Variants in PLIN3 observed in about 807,000 individuals in gnomAD.
PLIN3 encodes the protein perilipin-3.
A neutral mutation model predicts 35.9 loss-of-function variants in PLIN3; 30 were observed. That is an observed-to-expected ratio of 0.84 (90% CI 0.62 to 1.13). PLIN3 has a LOEUF of 1.13. PLIN3 is among the 50% of genes most tolerant of loss of function. PLIN3 has a pLI of 0.00. For synonymous variants in PLIN3, 261 were observed against 262.5 expected, an observed-to-expected ratio of 0.99 and a Z score of 0.06; for missense variants, 603 against 596.9, an observed-to-expected ratio of 1.01 and a Z score of -0.11.
intron 1 of PLIN3, among the ~76,000 whole-genome samples, chr19:4,865,223 T>A (rs2030808827): frequency 6.6e-6 from 1 of 151,214 alleles, no homozygotes; most frequent in Non-Finnish European, 1.5e-5. Flanking sequence ...GCATGGTAGC[T>A]CACGCCTGTA....
At chr19:4,850,103 T>C (rs938912344) in intron 5 of PLIN3, among the ~76,000 whole-genome samples, 3 of 151,528 alleles carry the variant, frequency 2.0e-5, no homozygotes, top group Non-Finnish European at 4.4e-5. Context: ...TGCGCCACCA[T>C]GCCTGGCTAA....
intron 5 of PLIN3, among the ~76,000 whole-genome samples, chr19:4,850,656 G>C (rs769825601): frequency 1.3e-5 from 1 of 78,390 alleles, no homozygotes; most frequent in South Asian, 4.5e-4. Context: ...GGATGGTCTC[G>C]ATCTCCTGAA....
chr19:4,857,112 T>C (rs2030501443), intron 4 of PLIN3, among the ~76,000 whole-genome samples: 1 of 152,070 alleles, frequency 6.6e-6, no homozygotes, highest in South Asian at 2.1e-4. Flanking sequence ...TGTGGCTGTA[T>C]TTAGAGACAG....
intron 6 of PLIN3, among the ~76,000 whole-genome samples, chr19:4,846,285 C>T (rs2030093073): frequency 6.6e-6 from 1 of 150,814 alleles, no homozygotes; most frequent in Admixed American, 6.7e-5. Flanking sequence ...TCATCCACTC[C>T]AGCCTGGGCA....
At chr19:4,865,149 G>A (rs1056798438) in intron 1 of PLIN3, among the ~76,000 whole-genome samples, 6 of 151,194 alleles carry the variant, frequency 4.0e-5, no homozygotes, top group African/African-American at 1.2e-4. Flanking sequence ...CCAAGACTGC[G>A]CCACTACACT....
intron 1 of PLIN3, 73 bp from the exon 2 acceptor site, chr19:4,861,484 C>T (rs2030675328): frequency 1.9e-6 from 2 of 1,054,326 alleles, no homozygotes; most frequent in Admixed American, 1.8e-5. Context: ...GCCCACGCTG[C>T]AGCTGGAAGA....
intron 1 of PLIN3, among the ~76,000 whole-genome samples, chr19:4,866,335 C>T (rs2030857965): frequency 6.6e-6 from 1 of 152,040 alleles, no homozygotes; most frequent in Admixed American, 6.6e-5. Context: ...GGTTCTAATC[C>T]CAGCTTGGCA....
intron 5 of PLIN3, 148 bp downstream of exon 5, chr19:4,851,868 G>T: frequency 1.2e-6 from 1 of 807,980 alleles, no homozygotes; most frequent in Non-Finnish European, 1.9e-6. Context: ...AGAGGGGACT[G>T]CGTTAGTGAT....
At chr19:4,851,564 G>A (rs1471403973) in intron 5 of PLIN3, among the ~76,000 whole-genome samples, 1 of 152,114 alleles carries the variant, frequency 6.6e-6, no homozygotes, top group Non-Finnish European at 1.5e-5. Context: ...CTGGCCTGGC[G>A]GGAACACCAG....
intron 5 of PLIN3, 119 bp downstream of exon 5, chr19:4,851,897 G>T: frequency 9.4e-7 from 1 of 1,062,092 alleles, no homozygotes; most frequent in Non-Finnish European, 1.4e-6. Flanking sequence ...AAGATGCCCG[G>T]GAGAAGTGGC....
At chr19:4,855,659 C>T (rs999374095) in intron 4 of PLIN3, among the ~76,000 whole-genome samples, 3 of 152,074 alleles carry the variant, frequency 2.0e-5, no homozygotes, top group East Asian at 3.9e-4. Context: ...CCGCCCGCCT[C>T]GGCCTCCCAA....
chr19:4,858,045 C>A (rs966981904), intron 4 of PLIN3, among the ~76,000 whole-genome samples: 12 of 151,134 alleles, frequency 7.9e-5, no homozygotes, highest in African/African-American at 2.9e-4. Flanking sequence ...GAGGCCGAGG[C>A]GGGAGGATCA....
At chr19:4,861,695 G>A (rs1280994433) in intron 1 of PLIN3, among the ~76,000 whole-genome samples, 2 of 151,890 alleles carry the variant, frequency 1.3e-5, no homozygotes, top group Non-Finnish European at 2.9e-5. Flanking sequence ...GAGTGCAGTG[G>A]GGCAACCTGG....
chr19:4,864,098 A>AATGTGTGTGTGTGTGTGTGTGTGT (rs1172963843), intron 1 of PLIN3, among the ~76,000 whole-genome samples: 1 of 125,374 alleles, frequency 8.0e-6, no homozygotes, highest in African/African-American at 3.2e-5. Flanking sequence ...ACACCTGGCT[A>AATGTGTGTGTGTGTGTGTGTGTGT]GTGTGTGTGT....
intron 7 of PLIN3, among the ~76,000 whole-genome samples, chr19:4,841,718 T>G (rs10422267): frequency 6.6e-6 from 1 of 150,442 alleles, no homozygotes; most frequent in East Asian, 2.0e-4. Flanking sequence ...CTGGCTAACA[T>G]GGTGAAACCC....
intron 7 of PLIN3, among the ~76,000 whole-genome samples, chr19:4,844,010 C>T (rs990294657): frequency 6.6e-6 from 1 of 152,094 alleles, no homozygotes; most frequent in Admixed American, 6.6e-5. Context: ...CCTTCTGTTG[C>T]CCAGGCTGGA....
intron 4 of PLIN3, among the ~76,000 whole-genome samples, chr19:4,856,673 C>T (rs781624962): frequency 9.2e-5 from 14 of 151,546 alleles, no homozygotes; most frequent in African/African-American, 2.4e-4. Context: ...AAACAATAAC[C>T]GATTAAGCCT....
chr19:4,852,978 C>T (rs1332471218), intron 4 of PLIN3, among the ~76,000 whole-genome samples: 1 of 151,800 alleles, frequency 6.6e-6, no homozygotes, highest in African/African-American at 2.4e-5. Flanking sequence ...CCACGCCAGG[C>T]TAATTTTGTA....
In PLIN3 at chr19:4,844,655, C is replaced by T. The variant is rs746786720; in HGVS notation, c.960+13G>A. 4.1e-6 allele frequency: 6 copies of T among 1,461,796 alleles called. No homozygotes were observed. In the South Asian group the frequency reaches 7.1e-5, roughly 17 times the overall value. 90.6% of individuals were successfully genotyped at this position (1,461,796 alleles called of 1,614,324 possible). Reference sequence around the variant, plus strand: ...AAGTACCCTAGGCCACCCCCCAGTCCCCTCATGGGTACCTCTGGCTTGGGC... The same window carrying T: ...AAGTACCCTAGGCCACCCCCCAGTCTCCTCATGGGTACCTCTGGCTTGGGC... On this transcript the variant is annotated intron_variant, in intron 7 of 7. Coordinates refer to ENST00000221957, the MANE Select transcript of PLIN3 (RefSeq NM_005817.5).
Sources: gnomAD v4.1 joint callset for allele counts (sites outside exome capture counted in the v4.1 genomes callset) on GRCh38, gnomAD v4.1.1 for gene constraint, MANE v1.5 for transcripts, NCBI Gene and HGNC (gene_info 2026-07-23, HGNC 2026-07-21) for gene names.